Variants in SLCO5A1 observed in about 807,000 individuals in gnomAD.
SLCO5A1 encodes the protein solute carrier organic anion transporter family member 5A1.
SLCO5A1 carries 39 observed loss-of-function variants against 65.1 expected under a neutral mutation model. The observed-to-expected ratio is 0.60, with a 90% CI of 0.46 to 0.78. SLCO5A1 has a LOEUF of 0.78. Among genes scored for constraint, SLCO5A1 ranks in the 30% least tolerant of loss-of-function variants. SLCO5A1 has a pLI of 0.00. For missense variants in SLCO5A1, 1,029 were observed against 1,069.4 expected (o/e 0.96, Z 0.53); for synonymous variants, 438 against 415.7 (o/e 1.05, Z -0.65).
intron 2 of SLCO5A1, among the ~76,000 whole-genome samples, chr8:69,782,700 A>G (rs1818846423): frequency 6.6e-6 from 1 of 152,070 alleles, no homozygotes; most frequent in East Asian, 1.9e-4. Context: ...TATTTTTTCT[A>G]TCACACAACA....
chr8:69,789,908 T>C (rs1208709114), intron 2 of SLCO5A1, among the ~76,000 whole-genome samples: 1 of 151,980 alleles, frequency 6.6e-6, no homozygotes, highest in Non-Finnish European at 1.5e-5. Flanking sequence ...AAGAGGGTAA[T>C]TGGGCCGGGC....
intron 2 of SLCO5A1, among the ~76,000 whole-genome samples, chr8:69,789,183 G>A (rs747142298): frequency 6.6e-6 from 1 of 152,186 alleles, no homozygotes; most frequent in Non-Finnish European, 1.5e-5. Flanking sequence ...AGCTACTATA[G>A]AGCACCATCA....
At chr8:69,715,994 A>G (rs1036181710) in intron 5 of SLCO5A1, among the ~76,000 whole-genome samples, 13 of 152,120 alleles carry the variant, frequency 8.5e-5, no homozygotes, top group East Asian at 1.9e-4. Context: ...CTTGCCCCGC[A>G]CTGCTCCAGC....
At chr8:69,703,971 C>T (rs76282208) in intron 6 of SLCO5A1, among the ~76,000 whole-genome samples, 11,673 of 152,212 alleles carry the variant, frequency 0.077, 447 homozygotes, top group East Asian at 0.086. Flanking sequence ...CCTCCCAATT[C>T]GGTGTTCAGG....
intron 5 of SLCO5A1, among the ~76,000 whole-genome samples, chr8:69,730,980 G>C (rs1312249911): frequency 6.6e-6 from 1 of 151,790 alleles, no homozygotes; most frequent in Non-Finnish European, 1.5e-5. Context: ...AAAGTATTAG[G>C]TTGGTGCAAA....
intron 6 of SLCO5A1, among the ~76,000 whole-genome samples, chr8:69,703,509 T>G (rs968763284): frequency 5.3e-5 from 8 of 152,180 alleles, no homozygotes; most frequent in African/African-American, 1.9e-4. Flanking sequence ...AGTGAGACGA[T>G]GTCTATAAAT....
chr8:69,696,919 T>C (rs1340337824), intron 6 of SLCO5A1, among the ~76,000 whole-genome samples: 1 of 151,762 alleles, frequency 6.6e-6, no homozygotes, highest in Non-Finnish European at 1.5e-5. Flanking sequence ...AAAATGTACA[T>C]AAAGATAGAA....
chr8:69,728,646 T>C (rs575932997), intron 5 of SLCO5A1, among the ~76,000 whole-genome samples: 1 of 152,316 alleles, frequency 6.6e-6, no homozygotes, highest in East Asian at 1.9e-4. Context: ...ATATGTCTTA[T>C]GGTTTATGGT....
chr8:69,696,859 A>G (rs989049435), intron 6 of SLCO5A1, among the ~76,000 whole-genome samples: 4 of 152,236 alleles, frequency 2.6e-5, no homozygotes. Flanking sequence ...CCAGAATGCT[A>G]TGAAAAGGGA....
chr8:69,781,341 G>C (rs540528464), intron 2 of SLCO5A1, among the ~76,000 whole-genome samples: 61 of 152,338 alleles, frequency 4.0e-4, no homozygotes, highest in Non-Finnish European at 3.7e-4. Context: ...ACATTTGAGT[G>C]ATATAAACCC....
chr8:69,672,287 G>C lies in SLCO5A1; in HGVS notation c.*582C>G, dbSNP rs963799754. ...GAAAAACTCTACCTGATTTATAACT[G>C]CTATGGCTTAAAATGCTATCAACAG... On this transcript the variant is annotated 3_prime_UTR_variant, in exon 10 of 10. Transcript: ENST00000260126. The C allele has an allele frequency of 1.3e-5, 2 of 153,846 alleles. No individual in the cohort carries two copies. The highest frequency in any genetic ancestry group is 4.8e-5 in the African/African-American group (2 of 41,430). 9.5% of individuals were successfully genotyped at this position (153,846 alleles called of 1,614,324 possible). A position where few individuals can be genotyped will look rare whatever the true frequency, so the allele number is the denominator to read the frequency against.
chr8:69,743,048 C>T (rs1366727443), intron 4 of SLCO5A1, among the ~76,000 whole-genome samples: 1 of 152,042 alleles, frequency 6.6e-6, no homozygotes, highest in African/African-American at 2.4e-5. Flanking sequence ...GATCTGCCCG[C>T]CTCGGCCTCC....
At chr8:69,682,406 C>A in intron 6 of SLCO5A1, 63 bp from the exon 7 acceptor site, 1 of 1,391,528 alleles carries the variant, frequency 7.2e-7, no homozygotes, top group Non-Finnish European at 9.4e-7. Flanking sequence ...TAGGAAAGGT[C>A]TTGAAATTAA....
Position 69,767,906 on chromosome 8 carries a change from A to G in SLCO5A1, c.908-6031T>C, listed in dbSNP as rs561679335. 2.0e-3 allele frequency among the ~76,000 whole-genome samples: 275 copies of G among 139,848 alleles called. 4 individuals carry two copies. The highest frequency in any genetic ancestry group is 7.9e-3 in the African/African-American group (257 of 32,630). 91.7% of individuals were successfully genotyped at this position (139,848 alleles called of 152,430 possible). A position where few individuals can be genotyped will look rare whatever the true frequency, so the allele number is the denominator to read the frequency against. On this transcript the variant is annotated intron_variant, in intron 2 of 9. Transcript: ENST00000260126. ...CTCCATCTCAAAAAAAAAAAAAAAA[A>G]AAAAACAAAAAGAAAAAGAAAAAGA...
chr8:69,757,937 C>T (rs1010275883), intron 3 of SLCO5A1, among the ~76,000 whole-genome samples: 2 of 152,132 alleles, frequency 1.3e-5, no homozygotes, highest in Admixed American at 1.3e-4. Context: ...TGGGCTGTGG[C>T]TTCAGGCAGA....
At chr8:69,757,261 T>C (rs988858707) in intron 3 of SLCO5A1, among the ~76,000 whole-genome samples, 1 of 152,116 alleles carries the variant, frequency 6.6e-6, no homozygotes, top group Non-Finnish European at 1.5e-5. Flanking sequence ...CTTCCAGCAA[T>C]CTCAGTTATT....
chr8:69,673,472 A>T, intron 9 of SLCO5A1, 146 bp from the exon 10 acceptor site: 1 of 641,948 alleles, frequency 1.6e-6, no homozygotes, highest in East Asian at 2.7e-5. Context: ...TTTAAGACGC[A>T]TCATATTTTA....
Position 69,679,407 on chromosome 8 carries a change from G to T in SLCO5A1, c.1995C>A (p.Ala665=). The T allele has an allele frequency of 1.2e-6, 2 of 1,614,164 alleles. No homozygotes were observed. The highest frequency in any genetic ancestry group is 1.7e-6 in the Non-Finnish European group (2 of 1,180,038). ...GTGTTACTATGATAGCTGATGGTTG[G>T]GCACATGCTGTGATGAAGGTGACTA... ...LFIVTFITAC[A]QPSAIIVTLR... The change falls in exon 8 of 10, where the codon GCC becomes GCA. Residue 665 remains alanine, a synonymous_variant. Transcript: ENST00000260126.
chr8:69,797,562 A>G (rs1198014327), intron 2 of SLCO5A1, among the ~76,000 whole-genome samples: 1 of 152,254 alleles, frequency 6.6e-6, no homozygotes, highest in African/African-American at 2.4e-5. Context: ...TTTCCCAGCA[A>G]GGAACATCCC....
Sources: gnomAD v4.1 joint callset for allele counts (sites outside exome capture counted in the v4.1 genomes callset) on GRCh38, gnomAD v4.1.1 for gene constraint, MANE v1.5 for transcripts, NCBI Gene and HGNC (gene_info 2026-07-23, HGNC 2026-07-21) for gene names.